Variants in GSE1 observed in about 807,000 individuals in gnomAD.
GSE1 encodes Gse1 coiled-coil protein.
GSE1 carries 32 observed loss-of-function variants against 112.6 expected under a neutral mutation model. The ratio of observed to expected loss-of-function variants is 0.28; its 90% CI spans 0.21 to 0.38. GSE1 has a LOEUF of 0.38. GSE1 is among the 10% of genes least tolerant of loss of function. GSE1 has a pLI of 1.00. For synonymous variants in GSE1, 1,115 were observed against 735.6 expected (o/e 1.52, Z -8.35); for missense variants, 2,348 against 1,699.2 (o/e 1.38, Z -6.71).
At chr16:85,657,689 A>G in intron 8 of GSE1, 85 bp downstream of exon 8, 1 of 832,878 alleles carries the variant, frequency 1.2e-6, no homozygotes, top group Non-Finnish European at 1.8e-6. Flanking sequence ...TGTTTGCCCA[A>G]CATCCTGCCC....
chr16:85,193,605 A>C (rs1284891600), intron 1 of GSE1, among the ~76,000 whole-genome samples: 2 of 151,918 alleles, frequency 1.3e-5, no homozygotes, highest in East Asian at 3.9e-4. Context: ...GATTACAGGC[A>C]CCCGCCACCA....
At chr16:85,331,776 G>A (rs2046380440) in intron 1 of GSE1, among the ~76,000 whole-genome samples, 1 of 141,628 alleles carries the variant, frequency 7.1e-6, no homozygotes, top group South Asian at 2.2e-4. Flanking sequence ...TCAAACTCCT[G>A]ACCTCAAGCG....
chr16:85,341,533 C>A (rs2046623848), intron 1 of GSE1, among the ~76,000 whole-genome samples: 1 of 152,170 alleles, frequency 6.6e-6, no homozygotes, highest in South Asian at 2.1e-4. Flanking sequence ...TGGCAGGCAC[C>A]TGTAATCCCA....
At chr16:85,637,041 C>G (rs762100036) in intron 2 of GSE1, among the ~76,000 whole-genome samples, 1 of 152,234 alleles carries the variant, frequency 6.6e-6, no homozygotes, top group Non-Finnish European at 1.5e-5. Context: ...TTTTTAGTTA[C>G]AATTCACATG....
At chr16:85,353,235 C>A (rs1002200501) in intron 1 of GSE1, among the ~76,000 whole-genome samples, 1 of 152,182 alleles carries the variant, frequency 6.6e-6, no homozygotes, top group African/African-American at 2.4e-5. Context: ...GGGGAAGAAC[C>A]CACCTCCACA....
At chr16:85,574,986 C>G (rs1057013837) in intron 1 of GSE1, among the ~76,000 whole-genome samples, 1 of 152,234 alleles carries the variant, frequency 6.6e-6, no homozygotes, top group African/African-American at 2.4e-5. Flanking sequence ...CCCCCTTGCC[C>G]TGCCAGCGGC....
At chr16:85,651,621 G>C (rs139351098) in intron 3 of GSE1, among the ~76,000 whole-genome samples, 16 of 152,332 alleles carry the variant, frequency 1.1e-4, no homozygotes, top group South Asian at 4.1e-4. Context: ...GAGGGCGGCA[G>C]GCCTGGGCTG....
intron 1 of GSE1, among the ~76,000 whole-genome samples, chr16:85,222,158 C>T (rs1459932831): frequency 2.6e-5 from 4 of 152,216 alleles, no homozygotes; most frequent in Non-Finnish European, 5.9e-5. Context: ...CCTCCCCGCT[C>T]CCTGTGGCTC....
chr16:85,323,151 G>A (rs1444966555), intron 1 of GSE1, among the ~76,000 whole-genome samples: 2 of 152,210 alleles, frequency 1.3e-5, no homozygotes, highest in Admixed American at 1.3e-4. Context: ...CAAGACGTGA[G>A]AGGCAATTTC....
intron 1 of GSE1, among the ~76,000 whole-genome samples, chr16:85,575,918 T>C (rs57292173): frequency 0.044 from 6,471 of 147,890 alleles, 406 homozygotes; most frequent in African/African-American, 0.15. Context: ...TTTTTTTTTT[T>C]CCCCTTCCTG....
chr16:85,552,027 C>T (rs1339841743), upstream of GSE1, among the ~76,000 whole-genome samples: 3 of 147,514 alleles, frequency 2.0e-5, no homozygotes, highest in East Asian at 2.0e-4. Context: ...TTCTTTCTTT[C>T]TTTTTTTTTT....
At chr16:85,572,123 C>T (rs973886133) in intron 1 of GSE1, among the ~76,000 whole-genome samples, 1 of 149,658 alleles carries the variant, frequency 6.7e-6, no homozygotes, top group African/African-American at 2.5e-5. Flanking sequence ...ACAACGCACA[C>T]ACACACACCA....
intron 1 of GSE1, among the ~76,000 whole-genome samples, chr16:85,243,851 G>C (rs1213987803): frequency 6.6e-6 from 1 of 152,192 alleles, no homozygotes; most frequent in Non-Finnish European, 1.5e-5. Flanking sequence ...TGTTGGCCAG[G>C]CACGGTGGCT....
At chr16:85,558,692 A>G (rs755269913) in intron 1 of GSE1, among the ~76,000 whole-genome samples, 2 of 152,194 alleles carry the variant, frequency 1.3e-5, no homozygotes, top group Non-Finnish European at 2.9e-5. Context: ...CTTTCCCCGC[A>G]TTATAGTTTT....
chr16:85,545,354 A>G (rs905355712), intron 2 of GSE1, among the ~76,000 whole-genome samples: 2 of 152,230 alleles, frequency 1.3e-5, no homozygotes, highest in African/African-American at 4.8e-5. Flanking sequence ...GGCAGCCCCA[A>G]AATGGAGGTC....
chr16:85,478,212 C>G (rs888229500), intron 2 of GSE1, among the ~76,000 whole-genome samples: 1 of 152,144 alleles, frequency 6.6e-6, no homozygotes, highest in African/African-American at 2.4e-5. Flanking sequence ...TACTTCCTAC[C>G]TTCCTATGGC....
chr16:85,199,149 G>T (rs1384927407), intron 1 of GSE1, among the ~76,000 whole-genome samples: 2 of 152,046 alleles, frequency 1.3e-5, no homozygotes, highest in African/African-American at 4.8e-5. Context: ...TAGAGACAGG[G>T]TTTCAGCATG....
intron 2 of GSE1, among the ~76,000 whole-genome samples, chr16:85,465,423 G>A (rs895872177): frequency 5.3e-5 from 8 of 152,224 alleles, no homozygotes; most frequent in Non-Finnish European, 1.2e-4. Flanking sequence ...GTGACTTGGG[G>A]CAAGTGACCT....
chr16:85,488,127 G>T (rs2050901074), intron 2 of GSE1, among the ~76,000 whole-genome samples: 1 of 152,218 alleles, frequency 6.6e-6, no homozygotes. Context: ...CAGGAAGGAA[G>T]CGGAGGAAAA....
Sources: allele counts gnomAD v4.1 joint callset (sites outside exome capture counted in the v4.1 genomes callset), GRCh38; gene constraint gnomAD v4.1.1; transcripts MANE v1.5; gene names NCBI Gene and HGNC (gene_info 2026-07-23, HGNC 2026-07-21).